Variants in FAT3 observed in about 807,000 individuals in gnomAD.
FAT3 encodes FAT atypical cadherin 3.
FAT3 carries 95 observed loss-of-function variants against 310.2 expected under a neutral mutation model. The ratio of observed to expected loss-of-function variants is 0.31; its 90% CI spans 0.26 to 0.36. The LOEUF (loss-of-function observed/expected upper bound fraction) is 0.36, where lower values mean the gene tolerates loss of function less well. Among genes scored for constraint, FAT3 ranks in the 10% least tolerant of loss-of-function variants. FAT3 has a pLI of 1.00. For missense variants in FAT3, 5,408 were observed against 5,715.6 expected, an observed-to-expected ratio of 0.95 and a Z score of 1.74; for synonymous variants, 2,314 against 2,192.9, an observed-to-expected ratio of 1.06 and a Z score of -1.54.
intron 2 of FAT3, among the ~76,000 whole-genome samples, chr11:92,457,758 T>G (rs1163556467): frequency 6.6e-6 from 1 of 151,836 alleles, no homozygotes; most frequent in Non-Finnish European, 1.5e-5. Context: ...CCGTCTCTAC[T>G]CAAGAGTACA....
intron 2 of FAT3, among the ~76,000 whole-genome samples, chr11:92,466,727 C>G (rs1263125708): frequency 9.9e-6 from 1 of 100,508 alleles, no homozygotes; most frequent in Non-Finnish European, 1.9e-5. Flanking sequence ...TGCTATCCCT[C>G]CCCCCTCCCC....
At chr11:92,315,479 G>GTATATATATATATA (rs1168085335) in intron 1 of FAT3, among the ~76,000 whole-genome samples, 11 of 65,188 alleles carry the variant, frequency 1.7e-4, no homozygotes, top group East Asian at 5.9e-4. Flanking sequence ...GTGTGTGTGT[G>GTATATATATATATA]TATATATATA....
chr11:92,315,405 C>T (rs1947412528), intron 1 of FAT3, among the ~76,000 whole-genome samples: 1 of 147,660 alleles, frequency 6.8e-6, no homozygotes, highest in South Asian at 2.2e-4. Flanking sequence ...ACAAAGTTTA[C>T]TGTTAACACA....
At chr11:92,471,521 G>A (rs1289657421) in intron 2 of FAT3, among the ~76,000 whole-genome samples, 3 of 152,004 alleles carry the variant, frequency 2.0e-5, no homozygotes, top group South Asian at 4.1e-4. Context: ...CTTCACGTTG[G>A]CAAAAATTAA....
chr11:92,771,726 T>C (rs567382465), intron 6 of FAT3, among the ~76,000 whole-genome samples: 1 of 144,744 alleles, frequency 6.9e-6, no homozygotes, highest in South Asian at 2.2e-4. Flanking sequence ...CACATACAAA[T>C]ACATATATGA....
intron 3 of FAT3, among the ~76,000 whole-genome samples, chr11:92,663,803 T>C (rs78249921): frequency 0.036 from 5,456 of 152,258 alleles, 233 homozygotes; most frequent in East Asian, 0.21. Context: ...TTCCATTCAT[T>C]TTTTATCTTC....
At chr11:92,282,019 C>T (rs1176120252) in intron 1 of FAT3, among the ~76,000 whole-genome samples, 1 of 152,044 alleles carries the variant, frequency 6.6e-6, no homozygotes. Flanking sequence ...GATTCTCCTG[C>T]CTCAGTCTCC....
chr11:92,695,570 T>A (rs574678339), intron 3 of FAT3, among the ~76,000 whole-genome samples: 1 of 152,180 alleles, frequency 6.6e-6, no homozygotes, highest in East Asian at 1.9e-4. Flanking sequence ...AATACCCTCC[T>A]AAACAAACAC....
chr11:92,358,897 T>C (rs1948805177), intron 2 of FAT3, among the ~76,000 whole-genome samples: 1 of 152,220 alleles, frequency 6.6e-6, no homozygotes, highest in Non-Finnish European at 1.5e-5. Flanking sequence ...CTCTGTTGTC[T>C]TTATTTAACC....
intron 2 of FAT3, among the ~76,000 whole-genome samples, chr11:92,458,521 C>G (rs750523907): frequency 6.6e-5 from 10 of 152,150 alleles, no homozygotes; most frequent in Non-Finnish European, 1.3e-4. Context: ...TGCCATGAAA[C>G]TCTGAGAAAC....
At chr11:92,527,073 G>A (rs1953891428) in intron 3 of FAT3, among the ~76,000 whole-genome samples, 1 of 152,128 alleles carries the variant, frequency 6.6e-6, no homozygotes, top group African/African-American at 2.4e-5. Context: ...TTCCAGCAGG[G>A]GAGCTTCACT....
chr11:92,820,522 C>T (rs577701064), intron 13 of FAT3, among the ~76,000 whole-genome samples: 1 of 152,288 alleles, frequency 6.6e-6, no homozygotes, highest in South Asian at 2.1e-4. Context: ...TGTGGGATCA[C>T]TTGCCCCAGG....
At chr11:92,437,413 TG>T (rs1950963049) in intron 2 of FAT3, among the ~76,000 whole-genome samples, 1 of 152,216 alleles carries the variant, frequency 6.6e-6, no homozygotes, top group African/African-American at 2.4e-5. Context: ...TGCATGACCT[TG>T]GGCAAGCTAT....
At chr11:92,860,462 G>A (rs1478953864) in intron 21 of FAT3, among the ~76,000 whole-genome samples, 1 of 152,170 alleles carries the variant, frequency 6.6e-6, no homozygotes, top group Non-Finnish European at 1.5e-5. Context: ...CTTCTAGTAT[G>A]GAGGAGAGAA....
At position 92,843,553 on chromosome 11, in the gene FAT3, G is replaced by C. The variant is rs117023097; in HGVS notation, c.10567-381G>C. Among the ~76,000 whole-genome samples, 49 of 152,278 alleles carry C rather than the reference G, an allele frequency of 3.2e-4. 3 individuals carry two copies. In the East Asian group the frequency reaches 9.1e-3, roughly 28 times the overall value. ...CCAGTCAAAAGGAAATAATCCAACA[G>C]AAAACAGAAATTTCTCCTCCAAGTG... On this transcript the variant is annotated intron_variant, in intron 18 of 27. Coordinates refer to ENST00000525166, the MANE Select transcript of FAT3 (RefSeq NM_001367949.2).
At chr11:92,801,993 G>A (rs1250300484) in intron 10 of FAT3, 84 bp downstream of exon 10, 1 of 1,309,812 alleles carries the variant, frequency 7.6e-7, no homozygotes, top group East Asian at 2.4e-5. Flanking sequence ...TAAGAGAGAA[G>A]GAAGATGGGA....
intron 3 of FAT3, among the ~76,000 whole-genome samples, chr11:92,641,327 A>C (rs1367826588): frequency 6.6e-6 from 1 of 152,192 alleles, no homozygotes; most frequent in Admixed American, 6.5e-5. Flanking sequence ...TTATAAATGT[A>C]CTCTAATAGC....
chr11:92,557,894 G>A (rs563608), intron 3 of FAT3, among the ~76,000 whole-genome samples: 59,438 of 152,036 alleles, frequency 0.39, 12,344 homozygotes, highest in Middle Eastern at 0.53. Context: ...AACTTATTTG[G>A]AGTGAAGATT....
chr11:92,317,491 T>C (rs1333030023), intron 1 of FAT3, among the ~76,000 whole-genome samples: 1 of 152,198 alleles, frequency 6.6e-6, no homozygotes, highest in Non-Finnish European at 1.5e-5. Context: ...TCTTTGGAAA[T>C]GTATAGAACT....
Sources: allele counts gnomAD v4.1 joint callset (sites outside exome capture counted in the v4.1 genomes callset), GRCh38; gene constraint gnomAD v4.1.1; transcripts MANE v1.5; gene names NCBI Gene and HGNC (gene_info 2026-07-23, HGNC 2026-07-21).